GCA: variants seen among roughly 807,000 people sequenced by gnomAD.
GCA encodes the protein grancalcin, EF-hand calcium-binding protein.
Under a neutral mutation model 32.6 loss-of-function variants are expected in GCA, and 30 were observed. That is an observed-to-expected ratio of 0.92 (90% CI 0.69 to 1.25). The LOEUF (loss-of-function observed/expected upper bound fraction) is 1.25, where lower values mean the gene tolerates loss of function less well. Ranked by LOEUF, GCA falls within the 50% of genes most tolerant of loss-of-function variation. GCA has a pLI of 0.00. For missense variants in GCA, 291 were observed against 266.8 expected, an observed-to-expected ratio of 1.09 and a Z score of -0.63; for synonymous variants, 102 against 84.6, an observed-to-expected ratio of 1.21 and a Z score of -1.13.
rs920720162 is a variant in GCA at position 162,361,620 on chromosome 2, G to A, written c.*1377G>A. 15 of 981,022 alleles carry A rather than the reference G, an allele frequency of 1.5e-5. No homozygotes were observed. The African/African-American group carries it at 1.8e-4, about 11-fold the overall frequency. The allele number at this position is 981,022 out of a possible 1,614,324, so 60.8% of individuals were successfully genotyped here. ...AAAAAAATCCTGGAAAGGAAGTAACGCATAGTCACTTGACACTGATAATTT... is the reference window on the plus strand; with the variant it reads ...AAAAAAATCCTGGAAAGGAAGTAACACATAGTCACTTGACACTGATAATTT... On this transcript the variant is annotated 3_prime_UTR_variant, in exon 8 of 8. Transcript: ENST00000437150.
upstream of GCA, among the ~76,000 whole-genome samples, chr2:162,340,421 A>G (rs1294824135): frequency 6.6e-6 from 1 of 152,218 alleles, no homozygotes; most frequent in Non-Finnish European, 1.5e-5. Context: ...TAAAAACAGA[A>G]TAATCATCTC....
At chr2:162,368,880 A>C (rs1685837174) in intron 4 of GCA, among the ~76,000 whole-genome samples, 1 of 152,050 alleles carries the variant, frequency 6.6e-6, no homozygotes, top group African/African-American at 2.4e-5. Context: ...TGGTTTTCTC[A>C]ACTGATTAAA....
chr2:162,336,914 A>T (rs1684288110), intron 1 of GCA, among the ~76,000 whole-genome samples: 1 of 152,016 alleles, frequency 6.6e-6, no homozygotes, highest in African/African-American at 2.4e-5. Context: ...TACTCTATAA[A>T]TATCTATTTT....
At chr2:162,347,293 T>G (rs867161156) in intron 1 of GCA, among the ~76,000 whole-genome samples, 1 of 152,190 alleles carries the variant, frequency 6.6e-6, no homozygotes, top group Non-Finnish European at 1.5e-5. Flanking sequence ...TTGGTAAACA[T>G]TTTTTAAAAT....
downstream of GCA, chr2:162,372,033 C>A: frequency 6.2e-7 from 1 of 1,612,772 alleles, no homozygotes. Context: ...TCAGATGCAC[C>A]CCACTTGAAA....
intron 1 of GCA, among the ~76,000 whole-genome samples, chr2:162,325,710 C>A (rs1683851723): frequency 6.6e-6 from 1 of 152,142 alleles, no homozygotes; most frequent in Admixed American, 6.5e-5. Context: ...AACTCATCCC[C>A]AAATCTGTCT....
chr2:162,374,713 CT>C (rs111341300), downstream of GCA, among the ~76,000 whole-genome samples: 708 of 148,700 alleles, frequency 4.8e-3, 8 homozygotes, highest in African/African-American at 0.017. Flanking sequence ...AAAATATCTT[CT>C]TTTTTTTTTA....
intron 1 of GCA, among the ~76,000 whole-genome samples, chr2:162,321,883 C>CATAT (rs10529213): frequency 1.0e-4 from 7 of 70,220 alleles, no homozygotes; most frequent in Admixed American, 3.0e-4. Flanking sequence ...AATTTAGTTA[C>CATAT]ATATATATAT....
downstream of GCA, among the ~76,000 whole-genome samples, chr2:162,363,837 G>A (rs1002533411): frequency 6.6e-5 from 10 of 151,540 alleles, no homozygotes; most frequent in East Asian, 1.7e-3. Context: ...GCAGCTTTGT[G>A]TATTATTTTG....
downstream of GCA, among the ~76,000 whole-genome samples, chr2:162,375,341 T>A (rs1194287852): frequency 6.6e-6 from 1 of 152,196 alleles, no homozygotes; most frequent in Non-Finnish European, 1.5e-5. Context: ...TTTTGTCATA[T>A]AAATCCTTTG....
chr2:162,371,467 T>C (rs1271246065), exon 5 of GCA: 2 of 1,263,346 alleles, frequency 1.6e-6, no homozygotes, highest in African/African-American at 3.1e-5. Flanking sequence ...CCTTGGTTTC[T>C]TATTTGCGTG....
intron 1 of GCA, among the ~76,000 whole-genome samples, chr2:162,331,067 G>A (rs887797691): frequency 6.6e-6 from 1 of 152,174 alleles, no homozygotes; most frequent in South Asian, 2.1e-4. Context: ...TTTGTGCTCA[G>A]GAGTATTAGA....
intron 1 of GCA, among the ~76,000 whole-genome samples, chr2:162,331,642 C>T (rs1684088164): frequency 6.6e-6 from 1 of 152,290 alleles, no homozygotes; most frequent in African/African-American, 2.4e-5. Context: ...GGGGACCTCA[C>T]CAGATGCTGA....
chr2:162,352,036 C>G (rs1685026198), intron 2 of GCA, among the ~76,000 whole-genome samples: 1 of 152,096 alleles, frequency 6.6e-6, no homozygotes, highest in Admixed American at 6.5e-5. Flanking sequence ...ATTTTTCTAA[C>G]TGTTTAACTG....
intron 1 of GCA, among the ~76,000 whole-genome samples, chr2:162,324,087 C>G (rs1683785677): frequency 6.6e-6 from 1 of 152,070 alleles, no homozygotes; most frequent in Non-Finnish European, 1.5e-5. Context: ...GGGCTCCGAC[C>G]CACGGCAGTG....
At chr2:162,340,030 A>G (rs1027062041), upstream of GCA, among the ~76,000 whole-genome samples, 1 of 152,198 alleles carries the variant, frequency 6.6e-6, no homozygotes, top group Non-Finnish European at 1.5e-5. Flanking sequence ...ATAATCAATG[A>G]TGCCCAAAGA....
intron 1 of GCA, among the ~76,000 whole-genome samples, chr2:162,334,412 C>A (rs907217233): frequency 1.3e-5 from 2 of 152,102 alleles, no homozygotes; most frequent in Non-Finnish European, 2.9e-5. Flanking sequence ...TGCTAATGTT[C>A]TCTCCAATCT....
chr2:162,362,880 T>C lies in GCA; in HGVS notation c.*2637T>C, dbSNP rs1685635423. Among the ~76,000 whole-genome samples the C allele has an allele frequency of 6.6e-6, 1 of 151,402 alleles. No homozygotes were observed. The highest frequency in any genetic ancestry group is 2.1e-4 in the South Asian group (1 of 4,836). On this transcript the variant is annotated 3_prime_UTR_variant, in exon 8 of 8. Coordinates refer to ENST00000437150, the MANE Select transcript of GCA (RefSeq NM_012198.5). ...TTCAAGGATTTCTCATTTGACCTAT[T>C]TACACATGCATCCAGAAAAAAGTAA...
rs377430052 is a variant in GCA, at chr2:162,344,259, C to T, written c.11C>T (p.Pro4Leu). Residue 4 changes from proline (P) to leucine (L), a missense_variant, in exon 1 of 8, where the codon CCG (proline) becomes CTG (leucine). Coordinates refer to ENST00000437150, the MANE Select transcript of GCA (RefSeq NM_012198.5). The stretch of plus-strand genomic sequence containing the variant: ...CTCGTCCCGCTCGTCATGGCCTACC[C>T]GGGATACGGAGGAGGGGTGAGTCCC... MAY[P>L]GYGGGFGNFS... is the part of the protein sequence containing the mutation. 1.2e-6 allele frequency: 2 copies of T among 1,613,708 alleles called. No homozygotes were observed. Among genetic ancestry groups the T allele is most frequent in the Non-Finnish European group, 1.7e-6 (2 of 1,179,872 alleles).
Sources: gnomAD v4.1 joint callset for allele counts (sites outside exome capture counted in the v4.1 genomes callset) on GRCh38, gnomAD v4.1.1 for gene constraint, MANE v1.5 for transcripts, NCBI Gene and HGNC (gene_info 2026-07-23, HGNC 2026-07-21) for gene names.